SRGAP3: variants seen among roughly 807,000 people sequenced by gnomAD.
SRGAP3 encodes the protein SLIT-ROBO Rho GTPase-activating protein 3.
SRGAP3 carries 39 observed loss-of-function variants against 121.1 expected under a neutral mutation model. The observed-to-expected ratio is 0.32, with a 90% CI of 0.25 to 0.42. SRGAP3 has a LOEUF of 0.42. SRGAP3 is among the 10% of genes least tolerant of loss of function. The pLI is 1.00. For synonymous variants in SRGAP3, 601 were observed against 570.0 expected (o/e 1.05, Z -0.77); for missense variants, 1,213 against 1,470.6 (o/e 0.82, Z 2.86).
At chr3:9,056,656 T>C (rs1395620031) in intron 7 of SRGAP3, among the ~76,000 whole-genome samples, 1 of 152,210 alleles carries the variant, frequency 6.6e-6, no homozygotes, top group Non-Finnish European at 1.5e-5. Flanking sequence ...ACTGGTTAAT[T>C]TCAAGGCAAG....
At chr3:9,074,205 G>A (rs886636551) in intron 4 of SRGAP3, among the ~76,000 whole-genome samples, 1 of 152,076 alleles carries the variant, frequency 6.6e-6, no homozygotes, top group Non-Finnish European at 1.5e-5. Flanking sequence ...GTGGAGATGG[G>A]GAATGGAGAA....
intron 3 of SRGAP3, among the ~76,000 whole-genome samples, chr3:9,294,736 G>GTA (rs1954924406): frequency 6.6e-6 from 1 of 151,464 alleles, no homozygotes; most frequent in African/African-American, 2.4e-5. Context: ...GTGTGTGTGT[G>GTA]TGTGTTTGGG....
Position 8,985,959 on chromosome 3 carries a change from C to T in SRGAP3, c.2887-27G>A. The stretch of plus-strand genomic sequence containing the variant: ...TGGGGACAGAGGGAGCTGGGGTCAG[C>T]ACAGTCTGGAGACCTGGAGTCAGGT... On this transcript the variant is annotated intron_variant, in intron 21 of 21. Coordinates refer to ENST00000383836, the MANE Select transcript of SRGAP3 (RefSeq NM_014850.4). The surrounding 1 kb of genome is among the most constrained non-coding windows in gnomAD (Gnocchi z 5.1). 6.3e-7 allele frequency: 1 copy of T among 1,599,586 alleles called. No individual in the cohort carries two copies.
At chr3:9,231,911 G>A (rs1019161495) in intron 1 of SRGAP3, among the ~76,000 whole-genome samples, 13 of 152,084 alleles carry the variant, frequency 8.5e-5, no homozygotes, top group African/African-American at 2.2e-4. Flanking sequence ...GACGTGACTC[G>A]CTCAAAAGAC....
intron 3 of SRGAP3, among the ~76,000 whole-genome samples, chr3:9,309,982 C>T (rs1955215854): frequency 6.6e-6 from 1 of 152,176 alleles, no homozygotes; most frequent in Admixed American, 6.5e-5. Flanking sequence ...TCATTAAGAA[C>T]ATCCTAGAGA....
intron 3 of SRGAP3, among the ~76,000 whole-genome samples, chr3:9,292,106 C>T (rs1239853994): frequency 6.6e-6 from 1 of 152,108 alleles, no homozygotes; most frequent in South Asian, 2.1e-4. Flanking sequence ...TGAACAGATA[C>T]CTCTTGGAAT....
intron 2 of SRGAP3, among the ~76,000 whole-genome samples, chr3:9,105,460 T>C (rs961087900): frequency 6.6e-6 from 1 of 152,194 alleles, no homozygotes; most frequent in Admixed American, 6.5e-5. Flanking sequence ...TGTCCTGCAA[T>C]GACTGATAGG....
chr3:9,254,355 T>C (rs570425057), upstream of SRGAP3, among the ~76,000 whole-genome samples: 6 of 152,246 alleles, frequency 3.9e-5, no homozygotes, highest in African/African-American at 1.4e-4. Context: ...ATTATATGAG[T>C]CCATTTATAT....
intron 18 of SRGAP3, among the ~76,000 whole-genome samples, chr3:9,006,553 G>C (rs1943091946): frequency 6.6e-6 from 1 of 152,136 alleles, no homozygotes; most frequent in Admixed American, 6.5e-5. Flanking sequence ...CAGAGTGAAA[G>C]AGGACAGAGC....
intron 12 of SRGAP3, among the ~76,000 whole-genome samples, chr3:9,030,674 A>AT (rs1317482528): frequency 6.6e-5 from 10 of 151,984 alleles, no homozygotes; most frequent in Admixed American, 5.9e-4. Flanking sequence ...TATATATAGG[A>AT]CCCCTCTATT....
At chr3:9,037,444 G>A (rs35647176) in intron 11 of SRGAP3, 25,550 of 154,226 alleles carry the variant, frequency 0.17, 2,310 homozygotes, top group Middle Eastern at 0.22. Context: ...GGTCTGCTCA[G>A]GAAAAAGCGC....
At chr3:9,289,893 A>G (rs1482926953) in intron 3 of SRGAP3, among the ~76,000 whole-genome samples, 1 of 152,184 alleles carries the variant, frequency 6.6e-6, no homozygotes, top group Admixed American at 6.5e-5. Context: ...AGATCACTTG[A>G]GGTCAGGAGT....
intron 12 of SRGAP3, among the ~76,000 whole-genome samples, chr3:9,032,280 A>G (rs1944524529): frequency 6.6e-6 from 1 of 151,982 alleles, no homozygotes; most frequent in Non-Finnish European, 1.5e-5. Flanking sequence ...CTCTTGGGAG[A>G]TGTAGGTGTG....
intron 3 of SRGAP3, among the ~76,000 whole-genome samples, chr3:9,317,631 A>G (rs10510397): frequency 0.083 from 12,600 of 152,348 alleles, 620 homozygotes; most frequent in Middle Eastern, 0.16. Flanking sequence ...TGAGAAACTG[A>G]GAGTGTAAGA....
At chr3:9,360,960 T>G (rs893413947) in intron 1 of SRGAP3, among the ~76,000 whole-genome samples, 8 of 152,214 alleles carry the variant, frequency 5.3e-5, no homozygotes, top group African/African-American at 1.9e-4. Context: ...GATTTTTTGT[T>G]TTTTACTTTT....
intron 1 of SRGAP3, among the ~76,000 whole-genome samples, chr3:9,181,344 G>A (rs1951392821): frequency 6.6e-6 from 1 of 152,194 alleles, no homozygotes; most frequent in Admixed American, 6.5e-5. Flanking sequence ...GTTTTCTCTT[G>A]CTGGTGAAAC....
intron 11 of SRGAP3, chr3:9,037,812 C>A (rs1035180074): frequency 3.6e-5 from 21 of 583,488 alleles, no homozygotes; most frequent in Non-Finnish European, 4.9e-5. Flanking sequence ...AGGGAGGGTG[C>A]CCCACTGCCA....
chr3:9,215,140 C>G (rs1952572991), intron 1 of SRGAP3, among the ~76,000 whole-genome samples: 1 of 152,172 alleles, frequency 6.6e-6, no homozygotes, highest in Non-Finnish European at 1.5e-5. Flanking sequence ...AACAAACGAT[C>G]AAAAGAAAGA....
At position 9,219,890 on chromosome 3, in the gene SRGAP3, A is replaced by G. The variant is rs145415096; in HGVS notation, c.67+28995T>C. ...AATCCTGTCATTTGCAGCAACATGG[A>G]TGGAACTGGAGGTCATTATGTTAAG... On this transcript the variant is annotated intron_variant, in intron 1 of 21. Coordinates refer to ENST00000383836, the MANE Select transcript of SRGAP3 (RefSeq NM_014850.4). Among the ~76,000 whole-genome samples, 1,476 of 152,312 alleles carry G rather than the reference A, an allele frequency of 9.7e-3. 15 individuals are homozygous for G. The highest frequency in any genetic ancestry group is 0.016 in the Non-Finnish European group (1,105 of 68,030).
Sources: gnomAD v4.1 joint callset for allele counts (sites outside exome capture counted in the v4.1 genomes callset) on GRCh38, gnomAD v4.1.1 for gene constraint, Gnocchi (gnomAD v3.1) non-coding constraint, MANE v1.5 for transcripts, NCBI Gene and HGNC (gene_info 2026-07-23, HGNC 2026-07-21) for gene names.